The following AFF3 variants were observed in gnomAD, a reference collection of about 807,000 sequenced individuals.
AFF3 encodes the protein AF4/FMR2 family member 3.
In AFF3, 32 loss-of-function variants were observed where a neutral mutation model predicts 129.7. That is an observed-to-expected ratio of 0.25 (90% CI 0.19 to 0.33). The LOEUF is 0.33. Ranked by LOEUF, AFF3 falls within the 10% of genes least tolerant of loss-of-function variation. AFF3 has a pLI of 1.00. For synonymous variants in AFF3, 644 were observed against 635.4 expected (o/e 1.01, Z -0.20); for missense variants, 1,373 against 1,592.0 (o/e 0.86, Z 2.34).
chr2:100,014,641 T>C (rs892961917), intron 4 of AFF3, among the ~76,000 whole-genome samples: 9 of 152,030 alleles, frequency 5.9e-5, no homozygotes, highest in Non-Finnish European at 8.8e-5. Context: ...AGCTTTGAGC[T>C]TGAGAAAACG....
At chr2:100,084,591 C>A (rs536910154) in intron 4 of AFF3, among the ~76,000 whole-genome samples, 2 of 152,078 alleles carry the variant, frequency 1.3e-5, no homozygotes, top group Admixed American at 1.3e-4. Context: ...TTGATCATTA[C>A]ACGTCGTATG....
chr2:99,569,741 C>CCGGCATAACTTTATATAAT, intron 18 of AFF3, among the ~76,000 whole-genome samples: 1 of 152,264 alleles, frequency 6.6e-6, no homozygotes, highest in Non-Finnish European at 1.5e-5. Flanking sequence ...TTTTTAGGCA[C>CCGGCATAACTTTATATAAT]CGGCAGCATA....
intron 11 of AFF3, among the ~76,000 whole-genome samples, chr2:99,681,926 A>C (rs866133120): frequency 4.3e-4 from 28 of 64,718 alleles, no homozygotes; most frequent in Non-Finnish European, 5.3e-4. Flanking sequence ...TTTTTTTTTG[A>C]GACGGAGTCT....
At chr2:100,014,656 G>A (rs1177338104) in intron 4 of AFF3, among the ~76,000 whole-genome samples, 1 of 152,120 alleles carries the variant, frequency 6.6e-6, no homozygotes, top group African/African-American at 2.4e-5. Flanking sequence ...AAAACGGCAG[G>A]TTAAGGAGAT....
chr2:99,771,229 A>C (rs1683453147), intron 8 of AFF3, among the ~76,000 whole-genome samples: 1 of 152,148 alleles, frequency 6.6e-6, no homozygotes, highest in African/African-American at 2.4e-5. Flanking sequence ...GGACACATGG[A>C]TGGTGGGGAA....
chr2:99,960,079 G>T (rs1677073171), intron 7 of AFF3, among the ~76,000 whole-genome samples: 1 of 152,094 alleles, frequency 6.6e-6, no homozygotes, highest in Non-Finnish European at 1.5e-5. Context: ...AAACAGATTT[G>T]TAAACTTACA....
intron 8 of AFF3, among the ~76,000 whole-genome samples, chr2:99,806,352 C>T (rs892599717): frequency 6.6e-6 from 1 of 152,116 alleles, no homozygotes; most frequent in African/African-American, 2.4e-5. Flanking sequence ...GGAAAATAGC[C>T]CCTGCTCTCA....
At position 99,856,385 on chromosome 2, in the gene AFF3, G is replaced by A. The variant is rs568522908; in HGVS notation, c.874-18861C>T. Among the ~76,000 whole-genome samples, 13 of 152,226 alleles carry A rather than the reference G, an allele frequency of 8.5e-5. 1 individual carries two copies. The East Asian group carries it at 2.3e-3, about 27-fold the overall frequency. On this transcript the variant is annotated intron_variant, in intron 7 of 24. Transcript: ENST00000672756. Reference sequence around the variant, plus strand: ...GAAAATATGAACTCACATGGGGAGAGACAACAGATGCCAACAGTGAGATCA... The same window carrying A: ...GAAAATATGAACTCACATGGGGAGAAACAACAGATGCCAACAGTGAGATCA...
intron 8 of AFF3, 144 bp from the exon 9 acceptor site, chr2:99,752,445 G>T: frequency 1.6e-6 from 1 of 640,206 alleles, no homozygotes; most frequent in Non-Finnish European, 2.6e-6. Context: ...TTTAAAAAAA[G>T]ATGTGAAATC....
intron 12 of AFF3, among the ~76,000 whole-genome samples, chr2:99,662,870 T>C (rs1208221570): frequency 6.6e-6 from 1 of 151,832 alleles, no homozygotes; most frequent in Non-Finnish European, 1.5e-5. Flanking sequence ...GCTGACTGGA[T>C]GAACCCTGGC....
At chr2:99,779,409 A>C (rs1684211796) in intron 8 of AFF3, among the ~76,000 whole-genome samples, 1 of 152,268 alleles carries the variant, frequency 6.6e-6, no homozygotes, top group South Asian at 2.1e-4. Context: ...CAGCAAGATG[A>C]TAAATATGCT....
intron 7 of AFF3, among the ~76,000 whole-genome samples, chr2:99,894,446 C>T (rs972453194): frequency 1.3e-5 from 2 of 151,282 alleles, no homozygotes; most frequent in African/African-American, 2.4e-5. Context: ...GGTTGTTTGA[C>T]GTTTTTTCTG....
chr2:99,826,027 T>C (rs986521547), intron 8 of AFF3, among the ~76,000 whole-genome samples: 3 of 152,190 alleles, frequency 2.0e-5, no homozygotes, highest in African/African-American at 7.2e-5. Context: ...TTTTTTTTAA[T>C]TTTTTGAGAT....
intron 7 of AFF3, among the ~76,000 whole-genome samples, chr2:99,959,696 C>CATAT (rs58551565): frequency 0.021 from 2,898 of 138,042 alleles, 43 homozygotes; most frequent in African/African-American, 0.035. Context: ...TAGTGTATAG[C>CATAT]ATATATATAT....
intron 4 of AFF3, among the ~76,000 whole-genome samples, chr2:100,026,716 A>AAT (rs141297271): frequency 0.35 from 51,404 of 145,650 alleles, 9,062 homozygotes; most frequent in Middle Eastern, 0.46. Context: ...TATATATATA[A>AAT]ATATATATAT....
intron 7 of AFF3, among the ~76,000 whole-genome samples, chr2:99,962,219 C>T (rs377722208): frequency 2.0e-5 from 3 of 152,168 alleles, no homozygotes; most frequent in South Asian, 2.1e-4. Context: ...GCACCAGCAG[C>T]GCAAGATAAA....
At chr2:100,080,515 C>T (rs115149080) in intron 4 of AFF3, among the ~76,000 whole-genome samples, 1,886 of 152,052 alleles carry the variant, frequency 0.012, 19 homozygotes, top group Middle Eastern at 0.031. Flanking sequence ...TTTCCTGAAA[C>T]CTGGAGACAA....
chr2:99,644,892 T>C (rs1284345068), intron 13 of AFF3, among the ~76,000 whole-genome samples: 2 of 152,178 alleles, frequency 1.3e-5, no homozygotes, highest in Non-Finnish European at 2.9e-5. Flanking sequence ...TGTTTGTCCT[T>C]CTTCTTTGTC....
intron 7 of AFF3, among the ~76,000 whole-genome samples, chr2:99,939,069 C>G (rs550652430): frequency 1.3e-5 from 2 of 152,280 alleles, no homozygotes; most frequent in East Asian, 3.9e-4. Flanking sequence ...CACTGTTGCT[C>G]TCTCTCTCTT....
Sources: allele counts gnomAD v4.1 joint callset (sites outside exome capture counted in the v4.1 genomes callset), GRCh38; gene constraint gnomAD v4.1.1; transcripts MANE v1.5; gene names NCBI Gene and HGNC (gene_info 2026-07-23, HGNC 2026-07-21).